Variants in LMO3 observed in about 807,000 individuals in gnomAD.
The protein encoded by LMO3 is LIM domain only protein 3.
A neutral mutation model predicts 15.8 loss-of-function variants in LMO3; 2 were observed. That is an observed-to-expected ratio of 0.13 (90% confidence interval 0.05 to 0.40). The LOEUF (loss-of-function observed/expected upper bound fraction) is 0.40. Ranked by LOEUF, LMO3 falls within the 10% of genes least tolerant of loss-of-function variation. The probability of loss-of-function intolerance (pLI) is 0.99; values close to 1 mark genes in which losing one functional copy is unlikely to be tolerated. For synonymous variants in LMO3, 62 were observed against 63.8 expected, an observed-to-expected ratio of 0.97 and a Z score of 0.13; for missense variants, 86 against 182.2, an observed-to-expected ratio of 0.47 and a Z score of 3.04.
rs1298731282 is a variant in LMO3 at position 16,597,489 on chromosome 12, G to A, written c.206+3166C>T. The A allele has an allele frequency of 2.0e-5, 3 of 151,734 alleles. No homozygotes were observed. The highest frequency in any genetic ancestry group is 7.2e-5 in the African/African-American group (3 of 41,382). The allele number at this position is 151,734 out of a possible 1,614,324, so 9.4% of individuals were successfully genotyped here. ...TAAGTCTCATTGCTCATAATTAGGA[G>A]TGTTTCTTTCTTTCTGTTTATGGAG... On this transcript the variant is annotated intron_variant, in intron 2 of 3. Transcript: ENST00000537304. This position sits in a 1 kb window ranked among gnomAD's most constrained non-coding sequence, Gnocchi z 5.0.
At chr12:16,552,749 G>C (rs1319945041) in intron 3 of LMO3, among the ~76,000 whole-genome samples, 3 of 152,022 alleles carry the variant, frequency 2.0e-5, no homozygotes, top group African/African-American at 7.2e-5. Context: ...GTTGTTTGTG[G>C]TCAAAGCTAC....
upstream of LMO3, chr12:16,606,963 T>C (rs887628542): frequency 4.6e-5 from 7 of 152,198 alleles, no homozygotes; most frequent in African/African-American, 1.2e-4. Context: ...CTACCAATTA[T>C]GGAAATTAAA....
rs950066247 is a variant in LMO3 at position 16,584,161 on chromosome 12, A to C, written c.206+16494T>G. 3.9e-5 allele frequency among the ~76,000 whole-genome samples: 6 copies of C among 152,090 alleles called. No homozygotes were observed. Among genetic ancestry groups the C allele is most frequent in the Non-Finnish European group, 7.4e-5 (5 of 68,020 alleles). Reference sequence around the variant, plus strand: ...TAAGAGGGAAATGACAGCAGTGAGTAGGGGTAAAAGGTAGTATAATTAGAT... The same window carrying C: ...TAAGAGGGAAATGACAGCAGTGAGTCGGGGTAAAAGGTAGTATAATTAGAT... On this transcript the variant is annotated intron_variant, in intron 2 of 3. Coordinates refer to ENST00000537304, the MANE Select transcript of LMO3 (RefSeq NM_018640.5). This position sits in a 1 kb window ranked among gnomAD's most constrained non-coding sequence, Gnocchi z 5.2.
chr12:16,567,929 A>G (rs998829674), intron 2 of LMO3, among the ~76,000 whole-genome samples: 5 of 152,318 alleles, frequency 3.3e-5, no homozygotes, highest in South Asian at 2.1e-4. Context: ...AGTAGCGATC[A>G]TGATCTGACC....
Position 16,604,968 on chromosome 12 carries a change from C to G in LMO3, c.-9+1098G>C. ...CAAAGGTAGAAGTAGAAGGGGGTCT[C>G]CTTGATTTCGCTTAAGTGTGGACCT... On this transcript the variant is annotated intron_variant, in intron 1 of 3. Coordinates refer to ENST00000537304, the MANE Select transcript of LMO3 (RefSeq NM_018640.5). The surrounding 1 kb of genome is among the most constrained non-coding windows in gnomAD (Gnocchi z 5.3). 13 of 1,597,870 alleles carry G rather than the reference C, an allele frequency of 8.1e-6. No homozygotes were observed. The South Asian group carries it at 1.4e-4, about 18-fold the overall frequency.
chr12:16,607,082 T>G (rs1944024133), upstream of LMO3: 1 of 152,378 alleles, frequency 6.6e-6, no homozygotes, highest in African/African-American at 2.4e-5. Flanking sequence ...TGTCTGTGAC[T>G]TCCATTCATG....
rs764938521 is a variant in LMO3 at position 16,604,152 on chromosome 12, T to A, written c.-9+1914A>T. Among the ~76,000 whole-genome samples, 1 of 152,186 alleles carries A rather than the reference T, an allele frequency of 6.6e-6. No homozygotes were observed. Among genetic ancestry groups the A allele is most frequent in the Non-Finnish European group, 1.5e-5 (1 of 68,040 alleles). ...TTTTCTCTCCTCCTGCCCATCTTCA[T>A]CCTCTTCCCAGCCCCCAACCCAGGT... is the stretch of plus-strand genomic sequence containing the variant. On this transcript the variant is annotated intron_variant, in intron 1 of 3. Coordinates refer to ENST00000537304, the MANE Select transcript of LMO3 (RefSeq NM_018640.5). This position sits in a 1 kb window ranked among gnomAD's most constrained non-coding sequence, Gnocchi z 5.3.
chr12:16,562,906 T>C (rs1942453074), intron 2 of LMO3, among the ~76,000 whole-genome samples: 1 of 152,234 alleles, frequency 6.6e-6, no homozygotes, highest in African/African-American at 2.4e-5. Flanking sequence ...TCTGACGTTA[T>C]AGCCTTCCAA....
At chr12:16,609,654 G>C (rs962714115), upstream of LMO3, 23 of 152,130 alleles carry the variant, frequency 1.5e-4, no homozygotes, top group Admixed American at 1.4e-3. Context: ...GTGATACCTT[G>C]ATGAGGGGAA....
chr12:16,557,209 A>G (rs1392056583), intron 3 of LMO3, among the ~76,000 whole-genome samples: 2 of 152,152 alleles, frequency 1.3e-5, no homozygotes, highest in Non-Finnish European at 2.9e-5. Context: ...TAGAACATGG[A>G]TAAAATAGGT....
rs1943882734 is a variant in LMO3 at position 16,603,189 on chromosome 12, C to T, written c.-8-2321G>A. ...TGTGTTGACATTTTAATTTAGCACT[C>T]AGAGGCCAATTAATATTTGAAACTC... On this transcript the variant is annotated intron_variant, in intron 1 of 3. Coordinates refer to ENST00000537304, the MANE Select transcript of LMO3 (RefSeq NM_018640.5). The surrounding 1 kb of genome is among the most constrained non-coding windows in gnomAD (Gnocchi z 4.9). Among the ~76,000 whole-genome samples the T allele has an allele frequency of 6.6e-6, 1 of 152,198 alleles. No homozygotes were observed. Among genetic ancestry groups the T allele is most frequent in the African/African-American group, 2.4e-5 (1 of 41,448 alleles).
In LMO3 at chr12:16,560,327, G is replaced by A. The variant is rs1942354749; in HGVS notation, c.332+86C>T. Reference sequence around the variant, plus strand: ...AACGCTGAGATTGATTGCTTTAAATGTATGAATATAATTTCCACCTATTAA... The same window carrying A: ...AACGCTGAGATTGATTGCTTTAAATATATGAATATAATTTCCACCTATTAA... On this transcript the variant is annotated intron_variant, in intron 3 of 3. Coordinates refer to ENST00000537304, the MANE Select transcript of LMO3 (RefSeq NM_018640.5). This position sits in a 1 kb window ranked among gnomAD's most constrained non-coding sequence, Gnocchi z 5.0. The A allele has an allele frequency of 6.4e-6, 9 of 1,398,276 alleles. No individual in the cohort carries two copies. Among genetic ancestry groups the A allele is most frequent in the South Asian group, 4.2e-5 (3 of 71,378 alleles). 86.6% of individuals were successfully genotyped at this position (1,398,276 alleles called of 1,614,324 possible).
chr12:16,595,484 A>G (rs932092524), intron 2 of LMO3, among the ~76,000 whole-genome samples: 2 of 151,238 alleles, frequency 1.3e-5, no homozygotes, highest in African/African-American at 4.8e-5. Flanking sequence ...AATGAGGGGC[A>G]CTCTTCTGAA....
rs1173647910 is a variant in LMO3, at chr12:16,597,049, C to G, written c.206+3606G>C. ...TAGAGGAAGTTTTAAAAAGTCAGTC[C>G]TTCTCTTTCTTTAGCTAATGAGTTT... On this transcript the variant is annotated intron_variant, in intron 2 of 3. Coordinates refer to ENST00000537304, the MANE Select transcript of LMO3 (RefSeq NM_018640.5). This position sits in a 1 kb window ranked among gnomAD's most constrained non-coding sequence, Gnocchi z 5.0. 1.3e-5 allele frequency among the ~76,000 whole-genome samples: 2 copies of G among 151,680 alleles called. No homozygotes were observed. Among genetic ancestry groups the G allele is most frequent in the African/African-American group, 2.4e-5 (1 of 41,394 alleles).
chr12:16,609,038 GGAGA>G (rs955906392), upstream of LMO3: 1 of 152,004 alleles, frequency 6.6e-6, no homozygotes, highest in Non-Finnish European at 1.5e-5. Context: ...GCTACAGAAG[GGAGA>G]GAGATAGAAA....
In LMO3 at chr12:16,560,627, A is replaced by G; in HGVS notation, c.207-89T>C. The G allele has an allele frequency of 8.6e-7, 1 of 1,164,952 alleles. No individual in the cohort carries two copies. The allele number at this position is 1,164,952 out of a possible 1,614,324, so 72.2% of individuals were successfully genotyped here. ...GAGATGATGTTAATATACTCTGTAAAGCTACAATACACAATGCTTTATGAT... is the reference window on the plus strand; with the variant it reads ...GAGATGATGTTAATATACTCTGTAAGGCTACAATACACAATGCTTTATGAT... On this transcript the variant is annotated intron_variant, in intron 2 of 3. Transcript: ENST00000537304. This position sits in a 1 kb window ranked among gnomAD's most constrained non-coding sequence, Gnocchi z 5.0.
At position 16,548,741 on chromosome 12, in the gene LMO3, A is replaced by G. The variant is rs1054262820; in HGVS notation, c.*2481T>C. 1.3e-5 allele frequency: 2 copies of G among 152,124 alleles called. No homozygotes were observed. The highest frequency in any genetic ancestry group is 1.3e-4 in the Admixed American group (2 of 15,266). The allele number at this position is 152,124 out of a possible 1,614,324, so 9.4% of individuals were successfully genotyped here. ...GTACTTCAGGTCAATAAATGCTACAATTTATGGGCAATTAGCTGTAAAATG... is the reference window on the plus strand; with the variant it reads ...GTACTTCAGGTCAATAAATGCTACAGTTTATGGGCAATTAGCTGTAAAATG... On this transcript the variant is annotated 3_prime_UTR_variant, in exon 4 of 4. Coordinates refer to ENST00000537304, the MANE Select transcript of LMO3 (RefSeq NM_018640.5). This position sits in a 1 kb window ranked among gnomAD's most constrained non-coding sequence, Gnocchi z 4.2.
At chr12:16,563,277 A>G (rs1942467646) in intron 2 of LMO3, among the ~76,000 whole-genome samples, 1 of 152,194 alleles carries the variant, frequency 6.6e-6, no homozygotes, top group Non-Finnish European at 1.5e-5. Flanking sequence ...CCAAGGATCA[A>G]GAGATCATTC....
chr12:16,608,687 T>C (rs1230857462), upstream of LMO3: 3 of 151,462 alleles, frequency 2.0e-5, no homozygotes, highest in Non-Finnish European at 4.4e-5. This position sits in a 1 kb window ranked among gnomAD's most constrained non-coding sequence, Gnocchi z 4.1. Context: ...AAGCAAGTAA[T>C]ACTGCCAAGC....
Sources: gnomAD v4.1 joint callset for allele counts (sites outside exome capture counted in the v4.1 genomes callset) on GRCh38, gnomAD v4.1.1 for gene constraint, Gnocchi (gnomAD v3.1) non-coding constraint, MANE v1.5 for transcripts, NCBI Gene and HGNC (gene_info 2026-07-23, HGNC 2026-07-21) for gene names.